C1RL: variants seen among roughly 807,000 people sequenced by gnomAD.
The protein encoded by C1RL is complement C1r subcomponent like, also known as complement C1r subcomponent-like protein.
Under a neutral mutation model 27.9 loss-of-function variants are expected in C1RL, and 27 were observed. The observed-to-expected ratio is 0.97, with a 90% CI of 0.71 to 1.33. The LOEUF (loss-of-function observed/expected upper bound fraction) is 1.33, where lower values mean the gene tolerates loss of function less well. Among genes scored for constraint, C1RL ranks in the 40% most tolerant of loss-of-function variants. The probability of loss-of-function intolerance (pLI) is 0.00; values close to 1 mark genes in which losing one functional copy is unlikely to be tolerated. For missense variants in C1RL, 563 were observed against 623.9 expected (o/e 0.90, Z 1.04); for synonymous variants, 248 against 252.1 (o/e 0.98, Z 0.15).
intron 2 of C1RL, 21 bp downstream of exon 2, chr12:7,108,229 AC>A (rs35898229): frequency 9.6e-5 from 148 of 1,548,980 alleles, no homozygotes; most frequent in Admixed American, 2.5e-4. Context: ...TCCTGGCGGG[AC>A]CCCCCCCATC....
At chr12:7,101,681 G>C (rs958256729) in intron 3 of C1RL, 1 of 562,910 alleles carries the variant, frequency 1.8e-6, no homozygotes, top group Admixed American at 3.0e-5. Flanking sequence ...GCAAACACTG[G>C]GCCTGTAAAT....
At chr12:7,108,801 C>T (rs750091838) in intron 1 of C1RL, 13 of 550,632 alleles carry the variant, frequency 2.4e-5, no homozygotes, top group African/African-American at 2.1e-4. Flanking sequence ...TCCCACCCCA[C>T]CCTGGGATCC....
intron 1 of C1RL, 116 bp downstream of exon 1, chr12:7,108,994 G>GTGTGTGTGTGTAT (rs1365163652): frequency 1.3e-4 from 49 of 382,700 alleles, no homozygotes; most frequent in Non-Finnish European, 1.6e-4. Context: ...TGTGTGGGGG[G>GTGTGTGTGTGTAT]GGGGGGGATG....
Position 7,104,324 on chromosome 12 carries a change from C to T in C1RL, c.301-2237G>A, listed in dbSNP as rs962757658. ...ACCCTGGCAGAAGGCATGAGCTTAA[C>T]AAGAAACCCTGGACTTGAGGCCCCG... On this transcript the variant is annotated intron_variant, in intron 2 of 5. Transcript: ENST00000266542. The surrounding 1 kb of genome is among the most constrained non-coding windows in gnomAD (Gnocchi z 5.4). Among the ~76,000 whole-genome samples, 1 of 152,222 alleles carries T rather than the reference C, an allele frequency of 6.6e-6. No individual in the cohort carries two copies. The highest frequency in any genetic ancestry group is 6.5e-5 in the Admixed American group (1 of 15,280).
chr12:7,100,571 A>G (rs1250037942), intron 3 of C1RL, among the ~76,000 whole-genome samples: 2 of 152,210 alleles, frequency 1.3e-5, no homozygotes, highest in Admixed American at 6.5e-5. Context: ...AGGCAGGCAG[A>G]TCACCTGAGG....
At chr12:7,107,407 T>C (rs568797541) in intron 2 of C1RL, among the ~76,000 whole-genome samples, 1 of 152,044 alleles carries the variant, frequency 6.6e-6, no homozygotes, top group African/African-American at 2.4e-5. Context: ...TGGGCTCAAG[T>C]GCTTCTTTCG....
intron 3 of C1RL, among the ~76,000 whole-genome samples, chr12:7,101,253 T>C: frequency 6.8e-6 from 1 of 146,514 alleles, no homozygotes; most frequent in South Asian, 2.3e-4. Context: ...CCTCTCCCTT[T>C]TCCTCCTTCC....
chr12:7,105,740 T>C (rs998945950), intron 2 of C1RL, among the ~76,000 whole-genome samples: 2 of 152,218 alleles, frequency 1.3e-5, no homozygotes, highest in African/African-American at 4.8e-5. Context: ...AAGGAGTTGA[T>C]ACTGCATCAA....
intron 1 of C1RL, chr12:7,108,730 C>T: frequency 1.8e-6 from 1 of 569,528 alleles, no homozygotes; most frequent in Non-Finnish European, 3.1e-6. Flanking sequence ...AAGACATCAC[C>T]TTTGCTCATC....
intron 5 of C1RL, chr12:7,099,370 C>T (rs749508792): frequency 1.1e-4 from 72 of 635,776 alleles, no homozygotes; most frequent in Non-Finnish European, 1.3e-4. Context: ...GAGAGCCTGT[C>T]GGTATATCCT....
rs1938467298 is a variant in C1RL, at chr12:7,097,109, G to C, written c.746C>G (p.Ser249Cys). Reference sequence around the variant, plus strand: ...GGGGAAGTTGCCCAGCTTGGCTCTGGAAGAACCGAGGGTCGTCTGATTCTG... The same window carrying C: ...GGGGAAGTTGCCCAGCTTGGCTCTGCAAGAACCGAGGGTCGTCTGATTCTG... ...IAQNQTTLGS[S>C]RAKLGNFPWQ... The change falls in exon 6 of 6, where the codon TCC (serine) becomes TGC (cysteine). Residue 249 changes from serine to cysteine, a missense_variant. Ser to Cys is a moderately radical substitution (Grantham distance 112, BLOSUM62 -1). Transcript: ENST00000266542. 1.2e-6 allele frequency: 2 copies of C among 1,613,814 alleles called. No homozygotes were observed. Among genetic ancestry groups the C allele is most frequent in the East Asian group, 2.2e-5 (1 of 44,868 alleles).
chr12:7,101,016 GACTTACTTTTT>G (rs1938601670), intron 3 of C1RL, among the ~76,000 whole-genome samples: 1 of 151,894 alleles, frequency 6.6e-6, no homozygotes, highest in African/African-American at 2.4e-5. Context: ...ATCAGAGGAA[GACTTACTTTTT>G]AGCATACTTA....
At chr12:7,107,142 C>A (rs1021670334) in intron 2 of C1RL, among the ~76,000 whole-genome samples, 3 of 151,910 alleles carry the variant, frequency 2.0e-5, no homozygotes, top group Non-Finnish European at 1.5e-5. Flanking sequence ...AGCTTGGAGA[C>A]TGCTGTTATT....
At chr12:7,099,038 A>T (rs1335533837) in intron 5 of C1RL, among the ~76,000 whole-genome samples, 2 of 116,784 alleles carry the variant, frequency 1.7e-5, no homozygotes, top group South Asian at 5.5e-4. Context: ...TCTACTAAAA[A>T]TACAAAAAAA....
intron 5 of C1RL, among the ~76,000 whole-genome samples, chr12:7,098,682 C>T (rs1292288010): frequency 2.0e-5 from 3 of 152,126 alleles, no homozygotes; most frequent in African/African-American, 7.2e-5. Context: ...GAAAACATTA[C>T]GCTAACTGAA....
At chr12:7,108,980 TGTGTGTGTGGGGGGG>T (rs1938857211) in intron 1 of C1RL, 115 bp downstream of exon 1, 1 of 157,260 alleles carries the variant, frequency 6.4e-6, no homozygotes, top group Non-Finnish European at 1.1e-5. Flanking sequence ...TGTGTGTGTG[TGTGTGTGTGGGGGGG>T]GGGGGGATGT....
chr12:7,107,755 C>T (rs1565639425), intron 2 of C1RL, among the ~76,000 whole-genome samples: 1 of 152,190 alleles, frequency 6.6e-6, no homozygotes, highest in Non-Finnish European at 1.5e-5. Flanking sequence ...AAGCTTGCAT[C>T]ACTCCATCAA....
Position 7,102,166 on chromosome 12 carries a change from C to T in C1RL, c.301-79G>A, listed in dbSNP as rs1412949701. On this transcript the variant is annotated intron_variant, in intron 2 of 5. Coordinates refer to ENST00000266542, the MANE Select transcript of C1RL (RefSeq NM_016546.4). ...TGCTGGCATCACAGGGGCACATCCT[C>T]GGTGTGACTCCTGCCCCATCTAGAC... The T allele has an allele frequency of 6.3e-6, 9 of 1,427,472 alleles. No homozygotes were observed. In the South Asian group the frequency reaches 6.4e-5, roughly 10 times the overall value. The allele number at this position is 1,427,472 out of a possible 1,614,324, so 88.4% of individuals were successfully genotyped here.
Position 7,108,472 on chromosome 12 carries a change from G to A in C1RL, c.79C>T (p.Leu27=), listed in dbSNP as rs775183495. 6.3e-7 allele frequency: 1 copy of A among 1,590,646 alleles called. No homozygotes were observed. The highest frequency in any genetic ancestry group is 1.3e-5 in the African/African-American group (1 of 74,472). Reference sequence around the variant, plus strand: ...GCCTGGAGGACTCCCCAGAGAAGCAGCCACCACCTGTGAGTTGGGGGGAGG... The same window carrying A: ...GCCTGGAGGACTCCCCAGAGAAGCAACCACCACCTGTGAGTTGGGGGGAGG... ...SKGCPGAMWW[L]LLWGVLQACP... The change falls in exon 2 of 6, where the codon CTG becomes TTG. Residue 27 remains leucine (L), a synonymous_variant. Coordinates refer to ENST00000266542, the MANE Select transcript of C1RL (RefSeq NM_016546.4).
Sources: allele counts gnomAD v4.1 joint callset (sites outside exome capture counted in the v4.1 genomes callset), GRCh38; gene constraint gnomAD v4.1.1; non-coding constraint Gnocchi (gnomAD v3.1); transcripts MANE v1.5; gene names NCBI Gene and HGNC (gene_info 2026-07-23, HGNC 2026-07-21).